The following MTERF4 variants were observed in gnomAD, a reference collection of about 807,000 sequenced individuals.
The protein encoded by MTERF4 is transcription termination factor 4, mitochondrial.
MTERF4 carries 17 observed loss-of-function variants against 22.5 expected under a neutral mutation model. The ratio of observed to expected loss-of-function variants is 0.75; its 90% CI spans 0.52 to 1.13. The LOEUF is 1.13. Ranked by LOEUF, MTERF4 falls within the 50% of genes most tolerant of loss-of-function variation. The pLI is 0.00. For missense variants in MTERF4, 420 were observed against 466.8 expected (o/e 0.90, Z 0.92); for synonymous variants, 165 against 175.3 (o/e 0.94, Z 0.47).
At chr2:241,081,608 G>A in intron 4 of MTERF4, 1 of 1,180,436 alleles carries the variant, frequency 8.5e-7, no homozygotes, top group South Asian at 1.3e-5. Flanking sequence ...GGAAGGGACA[G>A]CAACATGTCC....
the MTERF4 span, chr2:241,051,669 TG>T: frequency 8.3e-7 from 1 of 1,203,526 alleles, no homozygotes; most frequent in Non-Finnish European, 1.1e-6. This position sits in a 1 kb window ranked among gnomAD's most constrained non-coding sequence, Gnocchi z 4.7. Context: ...ACTGAGGAGA[TG>T]CCAGGAGGGT....
chr2:241,082,274 C>T (rs935859450), downstream of MTERF4: 10 of 1,602,432 alleles, frequency 6.2e-6, no homozygotes, highest in Admixed American at 1.3e-4. Context: ...TTCTTTGTCG[C>T]AGCCTGTATA....
At chr2:241,087,811 C>G (rs989334833), downstream of MTERF4, 2 of 738,778 alleles carry the variant, frequency 2.7e-6, no homozygotes, top group Non-Finnish European at 3.8e-6. Flanking sequence ...GCGCGTCGCT[C>G]TTTACTTTTT....
intron 2 of MTERF4, among the ~76,000 whole-genome samples, chr2:241,097,909 A>G (rs1392424261): frequency 2.6e-5 from 4 of 152,254 alleles, no homozygotes; most frequent in Non-Finnish European, 4.4e-5. Flanking sequence ...CATCGTCATC[A>G]TAACAGTAAT....
intron 4 of MTERF4, among the ~76,000 whole-genome samples, chr2:241,082,023 G>A (rs925999554): frequency 2.6e-5 from 4 of 152,350 alleles, no homozygotes; most frequent in South Asian, 2.1e-4. Context: ...CACAGCATGC[G>A]AGGCACAGCT....
At chr2:241,056,114 G>A in the MTERF4 span, among the ~76,000 whole-genome samples, 1 of 151,678 alleles carries the variant, frequency 6.6e-6, no homozygotes, top group Admixed American at 6.5e-5. Flanking sequence ...TCACCCAAGT[G>A]TTGGAATTTA....
At chr2:241,052,371 C>T in the MTERF4 span, 9 of 1,578,522 alleles carry the variant, frequency 5.7e-6, no homozygotes, top group Non-Finnish European at 7.8e-6. Context: ...CCCCCTGCTT[C>T]CGGAGCCCGT....
At chr2:241,046,860 AAGT>A in the MTERF4 span, among the ~76,000 whole-genome samples, 17 of 152,258 alleles carry the variant, frequency 1.1e-4, no homozygotes, top group Admixed American at 2.6e-4. Context: ...AAAAACCAAA[AAGT>A]AGCTGGCGTG....
downstream of MTERF4, chr2:241,067,696 C>T (rs567503002): frequency 4.9e-5 from 69 of 1,399,842 alleles, no homozygotes; most frequent in African/African-American, 7.5e-4. Context: ...CTGGTTTCAT[C>T]TTGAGCCCCT....
the MTERF4 span, among the ~76,000 whole-genome samples, chr2:241,043,061 G>A: frequency 3.3e-5 from 5 of 152,338 alleles, no homozygotes; most frequent in East Asian, 7.7e-4. Context: ...TGGGATCCAC[G>A]TATTTGGAGT....
At chr2:241,088,134 C>T, downstream of MTERF4, 1 of 536,636 alleles carries the variant, frequency 1.9e-6, no homozygotes, top group Admixed American at 3.5e-5. Context: ...TGACTCACAG[C>T]CAGCCAGGTT....
the MTERF4 span, among the ~76,000 whole-genome samples, chr2:241,062,617 C>G: frequency 6.6e-6 from 1 of 152,196 alleles, no homozygotes; most frequent in Non-Finnish European, 1.5e-5. Context: ...GCACTGAGCC[C>G]CAGGCCCACT....
downstream of MTERF4, chr2:241,088,404 T>A (rs2125335568): frequency 6.2e-7 from 1 of 1,611,010 alleles, no homozygotes; most frequent in Non-Finnish European, 8.5e-7. Context: ...AATCTTAAGG[T>A]ACGTCCCTGC....
At chr2:241,090,823 C>T (rs1022299160), downstream of MTERF4, among the ~76,000 whole-genome samples, 3 of 150,324 alleles carry the variant, frequency 2.0e-5, no homozygotes, top group Admixed American at 1.3e-4. Context: ...GCTGAGATTG[C>T]GCCACTATAC....
chr2:241,049,888 A>T, the MTERF4 span: 1 of 1,613,674 alleles, frequency 6.2e-7, no homozygotes, highest in Non-Finnish European at 8.5e-7. Context: ...CGACTCCTAC[A>T]CCTGCGAGTG....
downstream of MTERF4, chr2:241,093,755 T>C (rs2064201574): frequency 1.3e-5 from 2 of 152,380 alleles, no homozygotes; most frequent in African/African-American, 4.8e-5. Flanking sequence ...CAGTTCGTTC[T>C]TGAAACATTC....
At chr2:241,065,575 C>T in the MTERF4 span, 2 of 1,612,138 alleles carry the variant, frequency 1.2e-6, no homozygotes, top group South Asian at 1.1e-5. Flanking sequence ...AGCAGGCCTG[C>T]CGTGCTGCTG....
chr2:241,071,312 T>G, downstream of MTERF4: 1 of 564,204 alleles, frequency 1.8e-6, no homozygotes. Flanking sequence ...GACTCAGCCC[T>G]GCCTCATGAC....
the MTERF4 span, among the ~76,000 whole-genome samples, chr2:241,057,055 C>G: frequency 6.6e-6 from 1 of 151,996 alleles, no homozygotes; most frequent in African/African-American, 2.4e-5. Flanking sequence ...CCCACAAATT[C>G]AAAAAGCTCA....
Sources: allele counts gnomAD v4.1 joint callset (sites outside exome capture counted in the v4.1 genomes callset), GRCh38; gene constraint gnomAD v4.1.1; non-coding constraint Gnocchi (gnomAD v3.1); transcripts MANE v1.5; gene names NCBI Gene and HGNC (gene_info 2026-07-23, HGNC 2026-07-21).